AUTS2: variants seen among roughly 807,000 people sequenced by gnomAD.
AUTS2 encodes the protein autism susceptibility gene 2 protein.
AUTS2 carries 17 observed loss-of-function variants against 112.4 expected under a neutral mutation model. That is an observed-to-expected ratio of 0.15 (90% CI 0.10 to 0.23). The LOEUF is 0.23. Ranked by LOEUF, AUTS2 falls within the 10% of genes least tolerant of loss-of-function variation. The probability of loss-of-function intolerance (pLI) is 1.00; values close to 1 mark genes in which losing one functional copy is unlikely to be tolerated. For missense variants in AUTS2, 1,510 were observed against 1,701.6 expected (o/e 0.89, Z 1.98); for synonymous variants, 751 against 702.7 (o/e 1.07, Z -1.09).
At chr7:70,257,697 A>G (rs1377747861) in intron 4 of AUTS2, among the ~76,000 whole-genome samples, 3 of 149,920 alleles carry the variant, frequency 2.0e-5, no homozygotes, top group Non-Finnish European at 4.4e-5. Flanking sequence ...GGCCTGAGCG[A>G]TCCTCCCACC....
intron 1 of AUTS2, among the ~76,000 whole-genome samples, chr7:69,717,600 T>G (rs1798683994): frequency 1.3e-5 from 2 of 152,146 alleles, no homozygotes; most frequent in South Asian, 2.1e-4. Flanking sequence ...GAAAAAAAAT[T>G]TTTTTTGAAG....
intron 1 of AUTS2, among the ~76,000 whole-genome samples, chr7:69,895,319 T>C (rs1794696864): frequency 6.6e-6 from 1 of 152,204 alleles, no homozygotes; most frequent in South Asian, 2.1e-4. Flanking sequence ...TACCTGTTTA[T>C]AGAGGGAATG....
intron 6 of AUTS2, among the ~76,000 whole-genome samples, chr7:70,759,367 G>T (rs888653082): frequency 1.3e-5 from 2 of 152,158 alleles, no homozygotes; most frequent in African/African-American, 4.8e-5. Flanking sequence ...CTCAAAATGT[G>T]ATCCTCACAT....
intron 4 of AUTS2, among the ~76,000 whole-genome samples, chr7:70,177,921 T>C (rs982807437): frequency 6.6e-6 from 1 of 150,962 alleles, no homozygotes; most frequent in Non-Finnish European, 1.5e-5. Flanking sequence ...TAATTCTGTT[T>C]TTTTTTTTTT....
At chr7:70,697,242 A>G (rs529727787) in intron 5 of AUTS2, among the ~76,000 whole-genome samples, 2 of 152,318 alleles carry the variant, frequency 1.3e-5, no homozygotes, top group Admixed American at 6.5e-5. Flanking sequence ...GAAAAAATCT[A>G]TCTAGGGTTT....
intron 5 of AUTS2, among the ~76,000 whole-genome samples, chr7:70,570,204 A>G (rs1801879797): frequency 6.6e-6 from 1 of 152,204 alleles, no homozygotes; most frequent in Admixed American, 6.5e-5. Context: ...GTTATGATTC[A>G]TACAAGTTTA....
intron 4 of AUTS2, among the ~76,000 whole-genome samples, chr7:70,309,513 T>C (rs964363713): frequency 6.6e-6 from 1 of 152,210 alleles, no homozygotes; most frequent in African/African-American, 2.4e-5. Context: ...CTAATATCCT[T>C]TCTGTACCAA....
chr7:70,050,995 C>CATCA lies in AUTS2; in HGVS notation c.523-67122_523-67119dup, dbSNP rs977939112. 5.9e-5 allele frequency among the ~76,000 whole-genome samples: 9 copies of CATCA among 152,112 alleles called. No individual in the cohort carries two copies. In the East Asian group the frequency reaches 9.7e-4, roughly 16 times the overall value. On this transcript the variant is annotated intron_variant, in intron 2 of 18. Coordinates refer to ENST00000342771, the MANE Select transcript of AUTS2 (RefSeq NM_015570.4). ...GGGCGACAGAGCGAGACTCTGTCTC[C>CATCA]ATCAATCAATCAATCAATTATTATT... is the stretch of plus-strand genomic sequence containing the variant.
chr7:70,732,570 T>C (rs1481240595), intron 6 of AUTS2, among the ~76,000 whole-genome samples: 1 of 152,006 alleles, frequency 6.6e-6, no homozygotes, highest in Non-Finnish European at 1.5e-5. Flanking sequence ...GTTGTGGGGG[T>C]GCATCCAGCA....
At chr7:69,940,250 T>C (rs554065717) in intron 2 of AUTS2, among the ~76,000 whole-genome samples, 1 of 152,296 alleles carries the variant, frequency 6.6e-6, no homozygotes, top group Non-Finnish European at 1.5e-5. Flanking sequence ...GGCAGAGAGT[T>C]GACAAATCCT....
chr7:69,811,446 C>G (rs1379797077), intron 1 of AUTS2, among the ~76,000 whole-genome samples: 2 of 151,948 alleles, frequency 1.3e-5, no homozygotes, highest in East Asian at 1.9e-4. Context: ...ATATCTGAAT[C>G]CAAAATCTTC....
chr7:69,953,607 G>A (rs1435722079), intron 2 of AUTS2, among the ~76,000 whole-genome samples: 1 of 152,168 alleles, frequency 6.6e-6, no homozygotes, highest in African/African-American at 2.4e-5. Context: ...CCAGCCTTCT[G>A]TTTATTTCCC....
At chr7:70,167,857 A>C (rs539548800) in intron 4 of AUTS2, among the ~76,000 whole-genome samples, 1 of 152,356 alleles carries the variant, frequency 6.6e-6, no homozygotes, top group Admixed American at 6.5e-5. Flanking sequence ...TTTACAGTTT[A>C]CATGCCTCTT....
At chr7:70,514,847 T>C (rs961500419) in intron 5 of AUTS2, among the ~76,000 whole-genome samples, 1 of 152,234 alleles carries the variant, frequency 6.6e-6, no homozygotes, top group Non-Finnish European at 1.5e-5. Flanking sequence ...GTGTGATAAA[T>C]ATAAAATACC....
At position 70,467,485 on chromosome 7, in the gene AUTS2, A is replaced by G. The variant is rs59192663; in HGVS notation, c.690+31704A>G. On this transcript the variant is annotated intron_variant, in intron 5 of 18. Coordinates refer to ENST00000342771, the MANE Select transcript of AUTS2 (RefSeq NM_015570.4). ...AAGTAGTGTGTTTAGGTTGGGATCA[A>G]CTGGGAGAGAAACAGATGCCATATT... Among the ~76,000 whole-genome samples, 750 of 152,336 alleles carry G rather than the reference A, an allele frequency of 4.9e-3. 6 individuals are homozygous for G. The highest frequency in any genetic ancestry group is 0.017 in the African/African-American group (711 of 41,584).
At chr7:70,747,825 T>C (rs1279741264) in intron 6 of AUTS2, among the ~76,000 whole-genome samples, 9 of 138,426 alleles carry the variant, frequency 6.5e-5, no homozygotes, top group Non-Finnish European at 7.7e-5. Context: ...TTTTATTTTA[T>C]TTATTTTTGT....
At chr7:69,795,133 A>G (rs1233592738) in intron 1 of AUTS2, among the ~76,000 whole-genome samples, 12 of 152,224 alleles carry the variant, frequency 7.9e-5, no homozygotes, top group Admixed American at 6.5e-4. Flanking sequence ...GCCTGGACAT[A>G]GGAAGCTCTA....
chr7:69,702,418 T>A (rs1454842673), intron 1 of AUTS2, among the ~76,000 whole-genome samples: 1 of 152,146 alleles, frequency 6.6e-6, no homozygotes, highest in Non-Finnish European at 1.5e-5. Flanking sequence ...CAGTGAGAAG[T>A]CTGTGAAAGG....
intron 2 of AUTS2, among the ~76,000 whole-genome samples, chr7:69,991,402 G>A (rs921208936): frequency 6.6e-6 from 1 of 152,166 alleles, no homozygotes; most frequent in Non-Finnish European, 1.5e-5. Context: ...GGACTGTCCT[G>A]TCCATCCTGG....
Sources: gnomAD v4.1 joint callset for allele counts (sites outside exome capture counted in the v4.1 genomes callset) on GRCh38, gnomAD v4.1.1 for gene constraint, MANE v1.5 for transcripts, NCBI Gene and HGNC (gene_info 2026-07-23, HGNC 2026-07-21) for gene names.